The following ZNF346 variants were observed in gnomAD, a reference collection of about 807,000 sequenced individuals.
The protein encoded by ZNF346 is double-stranded RNA-binding zinc finger protein JAZ.
In ZNF346, 23 loss-of-function variants were observed where a neutral mutation model predicts 33.7. The ratio of observed to expected loss-of-function variants is 0.68; its 90% CI spans 0.49 to 0.97. ZNF346 has a LOEUF of 0.97. Ranked by LOEUF, ZNF346 falls within the 50% of genes least tolerant of loss-of-function variation. The probability of loss-of-function intolerance (pLI) is 0.00; values close to 1 mark genes in which losing one functional copy is unlikely to be tolerated. For missense variants in ZNF346, 340 were observed against 371.1 expected (o/e 0.92, Z 0.69); for synonymous variants, 134 against 142.4 (o/e 0.94, Z 0.42).
At chr5:177,030,481 T>C (rs374087498) in intron 1 of ZNF346, among the ~76,000 whole-genome samples, 5 of 151,700 alleles carry the variant, frequency 3.3e-5, no homozygotes, top group African/African-American at 1.2e-4. Context: ...TAGCCGGGCA[T>C]GGTGGTGCCG....
chr5:177,049,939 T>A (rs1471424616), intron 4 of ZNF346, among the ~76,000 whole-genome samples: 1 of 151,896 alleles, frequency 6.6e-6, no homozygotes, highest in Non-Finnish European at 1.5e-5. Context: ...TGGGTTGAAG[T>A]GATTCTCCTA....
intron 1 of ZNF346, among the ~76,000 whole-genome samples, chr5:177,023,446 C>G (rs549801349): frequency 6.6e-6 from 1 of 152,214 alleles, no homozygotes; most frequent in South Asian, 2.1e-4. Flanking sequence ...CTTGCTGGGT[C>G]CCTTATTCTA....
downstream of ZNF346, among the ~76,000 whole-genome samples, chr5:177,069,629 C>G (rs191625660): frequency 7.9e-5 from 12 of 152,278 alleles, no homozygotes; most frequent in African/African-American, 2.9e-4. Context: ...CTCCTGGGCT[C>G]AAGTGATCCT....
At chr5:177,061,939 G>A in intron 5 of ZNF346, 119 bp from the exon 6 acceptor site, 1 of 810,620 alleles carries the variant, frequency 1.2e-6, no homozygotes, top group Non-Finnish European at 2.0e-6. Flanking sequence ...ATCAGGGCCA[G>A]CAACCTCACC....
intron 4 of ZNF346, among the ~76,000 whole-genome samples, chr5:177,047,334 T>G (rs1780202288): frequency 6.7e-6 from 1 of 150,242 alleles, no homozygotes; most frequent in Admixed American, 6.6e-5. Context: ...TGTTTGTTTG[T>G]TTTTTGTTTT....
chr5:177,048,286 T>C (rs1295053035), intron 4 of ZNF346, among the ~76,000 whole-genome samples: 1 of 152,208 alleles, frequency 6.6e-6, no homozygotes, highest in Non-Finnish European at 1.5e-5. Flanking sequence ...TTAACAACCA[T>C]TATACCTCTT....
At chr5:177,030,805 T>C (rs998820831) in intron 1 of ZNF346, among the ~76,000 whole-genome samples, 6 of 152,036 alleles carry the variant, frequency 3.9e-5, no homozygotes, top group Non-Finnish European at 8.8e-5. Flanking sequence ...CAACGACTTA[T>C]CTCCTCTCTT....
chr5:177,037,065 C>T (rs1008830107), intron 1 of ZNF346, among the ~76,000 whole-genome samples: 1 of 152,194 alleles, frequency 6.6e-6, no homozygotes, highest in African/African-American at 2.4e-5. Flanking sequence ...CTTTGGTTAA[C>T]TTCCAGAGTG....
rs773016997 is a variant in ZNF346 at position 177,067,121 on chromosome 5, G to A, written c.*2522G>A. Among the ~76,000 whole-genome samples the A allele has an allele frequency of 1.1e-4, 17 of 152,102 alleles. No individual in the cohort carries two copies. Among genetic ancestry groups the A allele is most frequent in the African/African-American group, 2.9e-4 (12 of 41,426 alleles). ...TAGCCAGGTGTGGTGGTGCATTCCT[G>A]TAGTCCTGGCTACCTGGAAGGGTGA... On this transcript the variant is annotated 3_prime_UTR_variant, in exon 7 of 7. Transcript: ENST00000358149.
intron 1 of ZNF346, 88 bp from the exon 2 acceptor site, chr5:177,041,038 C>T: frequency 1.0e-6 from 1 of 989,418 alleles, no homozygotes. Context: ...TCCCATCATT[C>T]AGTGCCTGTG....
chr5:177,045,636 A>G (rs1779929897), intron 4 of ZNF346, among the ~76,000 whole-genome samples: 1 of 152,106 alleles, frequency 6.6e-6, no homozygotes, highest in Non-Finnish European at 1.5e-5. Flanking sequence ...GAATACAGGC[A>G]TAAGCCACCA....
At position 177,067,411 on chromosome 5, in the gene ZNF346, T is replaced by C. The variant is rs565692283; in HGVS notation, c.*2812T>C. 1.3e-5 allele frequency among the ~76,000 whole-genome samples: 2 copies of C among 152,324 alleles called. No homozygotes were observed. Among genetic ancestry groups the C allele is most frequent in the South Asian group, 4.1e-4 (2 of 4,826 alleles). Reference sequence around the variant, plus strand: ...GCTCCTGGTCAGCTGTGAAAGGCTCTACACAGCCCCAAGGGAGGTTCTCAG... The same window carrying C: ...GCTCCTGGTCAGCTGTGAAAGGCTCCACACAGCCCCAAGGGAGGTTCTCAG... On this transcript the variant is annotated 3_prime_UTR_variant, in exon 7 of 7. Transcript: ENST00000358149.
rs1001490909 is a variant in ZNF346, at chr5:177,065,504, A to G, written c.*905A>G. On this transcript the variant is annotated 3_prime_UTR_variant, in exon 7 of 7. Transcript: ENST00000358149. Reference sequence around the variant, plus strand: ...ACTAGCCCTCTCTTCCCCCTTGTGCAGCGGACCACTTGCCCAGTTTGCTGT... The same window carrying G: ...ACTAGCCCTCTCTTCCCCCTTGTGCGGCGGACCACTTGCCCAGTTTGCTGT... 1 of 152,638 alleles carries G rather than the reference A, an allele frequency of 6.6e-6. No individual in the cohort carries two copies. The allele number at this position is 152,638 out of a possible 1,614,324, so 9.5% of individuals were successfully genotyped here. A position where few individuals can be genotyped will look rare whatever the true frequency, so the allele number is the denominator to read the frequency against.
intron 1 of ZNF346, 25 bp downstream of exon 1, chr5:177,022,938 A>G (rs1471242758): frequency 6.9e-7 from 1 of 1,451,338 alleles, no homozygotes; most frequent in Non-Finnish European, 9.1e-7. Context: ...TTGGAGGCAG[A>G]AAGCCCCTCG....
At chr5:177,040,780 C>T (rs1337157267) in intron 1 of ZNF346, among the ~76,000 whole-genome samples, 1 of 152,206 alleles carries the variant, frequency 6.6e-6, no homozygotes, top group Non-Finnish European at 1.5e-5. Context: ...TAAAACCTCT[C>T]AGCACAGTTG....
At chr5:177,063,486 G>T (rs1782800207) in intron 6 of ZNF346, among the ~76,000 whole-genome samples, 1 of 151,932 alleles carries the variant, frequency 6.6e-6, no homozygotes. Flanking sequence ...GTGTAGACTT[G>T]AGTTGCCCCA....
In ZNF346 at chr5:177,077,441, G is replaced by A. The variant is rs1239013006; in HGVS notation, c.*3-1941G>A. ...GAAGGAATGGCTTCAGGCAAGGCTT[G>A]ATCCGGGTGCACTCCAGCTCTTGGC... is the stretch of plus-strand genomic sequence containing the variant. On this transcript the variant is annotated intron_variant, in intron 8 of 8. Coordinates refer to the ZNF346 transcript ENST00000503039. The surrounding 1 kb of genome is among the most constrained non-coding windows in gnomAD (Gnocchi z 5.0). 6.6e-6 allele frequency among the ~76,000 whole-genome samples: 1 copy of A among 152,196 alleles called. No homozygotes were observed. Among genetic ancestry groups the A allele is most frequent in the East Asian group, 1.9e-4 (1 of 5,204 alleles).
chr5:177,064,634 C>A lies in ZNF346; in HGVS notation c.*35C>A. 1 of 1,555,806 alleles carries A rather than the reference C, an allele frequency of 6.4e-7. No individual in the cohort carries two copies. The highest frequency in any genetic ancestry group is 8.9e-7 in the Non-Finnish European group (1 of 1,126,732). ...TGCCCAGCATCCCATATTGGGCCAG[C>A]CATGAGCCAGCTTCCCGTGACTGCT... On this transcript the variant is annotated 3_prime_UTR_variant, in exon 7 of 7. Coordinates refer to ENST00000358149, the MANE Select transcript of ZNF346 (RefSeq NM_012279.4).
At chr5:177,037,708 G>A (rs1343359192) in intron 1 of ZNF346, among the ~76,000 whole-genome samples, 1 of 152,106 alleles carries the variant, frequency 6.6e-6, no homozygotes, top group Admixed American at 6.6e-5. Context: ...GACTACAGCA[G>A]CCTTCTCCTT....
Sources: gnomAD v4.1 joint callset for allele counts (sites outside exome capture counted in the v4.1 genomes callset) on GRCh38, gnomAD v4.1.1 for gene constraint, Gnocchi (gnomAD v3.1) non-coding constraint, MANE v1.5 for transcripts, NCBI Gene and HGNC (gene_info 2026-07-23, HGNC 2026-07-21) for gene names.